The following ZNF675 variants were observed in gnomAD, a reference collection of about 807,000 sequenced individuals.
ZNF675 encodes the protein TRAF6 inhibitory zinc finger.
In ZNF675, 36 loss-of-function variants were observed where a neutral mutation model predicts 56.1. That is an observed-to-expected ratio of 0.64 (90% CI 0.49 to 0.85). ZNF675 has a LOEUF of 0.85. Ranked by LOEUF, ZNF675 falls within the 40% of genes least tolerant of loss-of-function variation. The pLI, the probability that ZNF675 is intolerant of heterozygous loss-of-function variation, is 0.00. For missense variants in ZNF675, 663 were observed against 654.2 expected, an observed-to-expected ratio of 1.01 and a Z score of -0.15; for synonymous variants, 200 against 218.9, an observed-to-expected ratio of 0.91 and a Z score of 0.76.
chr19:23,654,201 A>T lies in ZNF675; in HGVS notation c.732T>A (p.Thr244=). The T allele has an allele frequency of 6.2e-7, 1 of 1,614,026 alleles. No homozygotes were observed. The highest frequency in any genetic ancestry group is 2.2e-5 in the East Asian group (1 of 44,862). The change falls in exon 4 of 4, where the codon ACT becomes ACA. Residue 244 remains threonine, a synonymous_variant. Coordinates refer to ENST00000359788, the MANE Select transcript of ZNF675 (RefSeq NM_138330.3). The part of the protein sequence containing the change: ...DRTFNQFSNL[T]EYKKDYAREK... ...CTCGAGCATAATCTTTTTTATATTC[A>T]GTAAGGTTTGAGAATTGGTTAAAAG...
chr19:23,673,437 A>C (rs1968251040), intron 1 of ZNF675, among the ~76,000 whole-genome samples: 1 of 152,196 alleles, frequency 6.6e-6, no homozygotes, highest in Non-Finnish European at 1.5e-5. Context: ...AGTTCGTAGA[A>C]ATCTGGCCTA....
intron 1 of ZNF675, among the ~76,000 whole-genome samples, chr19:23,684,463 G>A (rs1968418272): frequency 6.6e-6 from 1 of 151,688 alleles, no homozygotes; most frequent in Admixed American, 6.6e-5. Context: ...TGGCCAACAC[G>A]GGAAAACCCC....
rs1457320527 is a variant in ZNF675 at position 23,653,955 on chromosome 19, G to C, written c.978C>G (p.Thr326=). Residue 326 remains threonine (T), a synonymous_variant, in exon 4 of 4, where the codon ACC becomes ACG. Transcript: ENST00000359788. ...ECGKAFTQSS[T]LTTHKRIHTG... The stretch of plus-strand genomic sequence containing the variant: ...TATGAATTCTCTTATGTGTAGTAAG[G>C]GTTGAGGATTGGGTAAAAGCCTTGC... The C allele has an allele frequency of 2.5e-6, 4 of 1,612,404 alleles. No homozygotes were observed. Among genetic ancestry groups the C allele is most frequent in the African/African-American group, 2.7e-5 (2 of 74,648 alleles).
In ZNF675 at chr19:23,655,205, C is replaced by T. The variant is rs563782725; in HGVS notation, c.227-499G>A. On this transcript the variant is annotated intron_variant, in intron 3 of 3. Coordinates refer to ENST00000359788, the MANE Select transcript of ZNF675 (RefSeq NM_138330.3). ...TGGGCCAAGATCGCACCATTACACT[C>T]CAGCCTGGGTGACAAAGCAAGACTC... is the stretch of plus-strand genomic sequence containing the variant. The T allele has an allele frequency of 3.3e-5, 5 of 151,492 alleles. No homozygotes were observed. The East Asian group carries it at 9.7e-4, about 29-fold the overall frequency. The allele number at this position is 151,492 out of a possible 1,614,324, so 9.4% of individuals were successfully genotyped here. A position where few individuals can be genotyped will look rare whatever the true frequency, so the allele number is the denominator to read the frequency against.
chr19:23,678,963 G>A (rs1056973267), intron 1 of ZNF675, among the ~76,000 whole-genome samples: 3 of 151,118 alleles, frequency 2.0e-5, no homozygotes, highest in African/African-American at 4.9e-5. Context: ...TCAGGAGATC[G>A]AGACCATCCT....
chr19:23,672,488 G>C (rs182969830), intron 1 of ZNF675, among the ~76,000 whole-genome samples: 1 of 152,290 alleles, frequency 6.6e-6, no homozygotes, highest in East Asian at 1.9e-4. Context: ...ATATTTCCAT[G>C]TTGACATCTC....
rs761435566 is a variant in ZNF675, at chr19:23,653,881, C to G, written c.1052G>C (p.Arg351Pro). ...KCEECGKAFN[R>P]SSKLTEHKNI... ...TTTATGTTCAGTAAGTTTTGAGGATCGGTTAAAAGCTTTTCCACATTCTTC... is the reference window on the plus strand; with the variant it reads ...TTTATGTTCAGTAAGTTTTGAGGATGGGTTAAAAGCTTTTCCACATTCTTC... Residue 351 changes from arginine (R) to proline (P), a missense_variant, in exon 4 of 4, where the codon CGA becomes CCA. Transcript: ENST00000359788. The G allele has an allele frequency of 4.3e-6, 7 of 1,612,524 alleles. No individual in the cohort carries two copies. The highest frequency in any genetic ancestry group is 5.9e-6 in the Non-Finnish European group (7 of 1,179,602).
intron 1 of ZNF675, among the ~76,000 whole-genome samples, chr19:23,666,790 CTTTCTCTCT>C (rs1968157163): frequency 6.6e-6 from 1 of 151,722 alleles, no homozygotes; most frequent in Non-Finnish European, 1.5e-5. Flanking sequence ...CTTTCTCTCT[CTTTCTCTCT>C]CTCTCCTCCC....
At chr19:23,656,909 A>G (rs551191151) in intron 3 of ZNF675, 1 of 152,296 alleles carries the variant, frequency 6.6e-6, no homozygotes, top group South Asian at 2.1e-4. Context: ...CTTTTGCATA[A>G]CAATACAAAT....
chr19:23,660,917 A>G (rs935302670), intron 3 of ZNF675, among the ~76,000 whole-genome samples: 1 of 141,626 alleles, frequency 7.1e-6, no homozygotes, highest in African/African-American at 2.6e-5. Flanking sequence ...GAAGAATATC[A>G]TACTTTGTAA....
At chr19:23,682,692 G>A (rs1253100730) in intron 1 of ZNF675, among the ~76,000 whole-genome samples, 1 of 151,524 alleles carries the variant, frequency 6.6e-6, no homozygotes, top group Non-Finnish European at 1.5e-5. Flanking sequence ...CTTTAGATGG[G>A]CTCAAGCTTT....
At position 23,687,027 on chromosome 19, in the gene ZNF675, T is replaced by C; in HGVS notation, c.3+4A>G. The C allele has an allele frequency of 6.2e-7, 1 of 1,613,690 alleles. No homozygotes were observed. The highest frequency in any genetic ancestry group is 8.5e-7 in the Non-Finnish European group (1 of 1,179,746). ...TCTCGGGATGTCGCACCCGTAACTC[T>C]CACCATTTCTAGGCTTCCAGGGGGT... On this transcript the variant is annotated splice_donor_region_variant and intron_variant, in intron 1 of 3. Transcript: ENST00000359788.
chr19:23,660,874 GC>G (rs1286885801), intron 3 of ZNF675, among the ~76,000 whole-genome samples: 1 of 151,302 alleles, frequency 6.6e-6, no homozygotes, highest in East Asian at 1.9e-4. Flanking sequence ...ACTTTAAATA[GC>G]CGAAGCAAGC....
At chr19:23,682,163 CTT>C (rs1339621763) in intron 1 of ZNF675, among the ~76,000 whole-genome samples, 1 of 151,870 alleles carries the variant, frequency 6.6e-6, no homozygotes, top group Non-Finnish European at 1.5e-5. Context: ...AGCAACTAAA[CTT>C]TGAGCTACAC....
In ZNF675 at chr19:23,663,142, C is replaced by T. The variant is rs928236342; in HGVS notation, c.20G>A (p.Arg7Lys). 3.7e-6 allele frequency: 6 copies of T among 1,609,262 alleles called. No homozygotes were observed. In the African/African-American group the frequency reaches 4.0e-5, roughly 11 times the overall value. ...CAGAGAGAATTCTATGGCCACATCC[C>T]TAAATGTCAACAGTCCCTGAAAAAC... Reference protein sequence around the residue: MGLLTFRDVAIEFSLEE... With the variant: MGLLTFKDVAIEFSLEE... Residue 7 changes from arginine to lysine, a missense_variant, in exon 2 of 4, where the codon AGG becomes AAG. Arg to Lys is a conservative substitution (Grantham distance 26). Coordinates refer to ENST00000359788, the MANE Select transcript of ZNF675 (RefSeq NM_138330.3).
intron 3 of ZNF675, among the ~76,000 whole-genome samples, chr19:23,661,453 A>G (rs1250051949): frequency 2.6e-5 from 4 of 151,954 alleles, no homozygotes; most frequent in Non-Finnish European, 5.9e-5. Flanking sequence ...CACTTTGAGA[A>G]GCCAAGGTAA....
rs144829288 is a variant in ZNF675 at position 23,680,750 on chromosome 19, G to A, written c.3+6281C>T. Among the ~76,000 whole-genome samples the A allele has an allele frequency of 1.0e-3, 154 of 151,600 alleles. 1 individual carries two copies. The highest frequency in any genetic ancestry group is 9.7e-4 in the East Asian group (5 of 5,174). On this transcript the variant is annotated intron_variant, in intron 1 of 3. Transcript: ENST00000359788. ...GCCTGGGCAACAAGAGCAAAACTCC[G>A]TCTCAGAAAAATTTAAAAAAATAAT...
intron 1 of ZNF675, among the ~76,000 whole-genome samples, chr19:23,668,431 G>T (rs1309514201): frequency 6.6e-6 from 1 of 152,222 alleles, no homozygotes. Flanking sequence ...TACTCTCCAC[G>T]TACCCACCAG....
intron 3 of ZNF675, 178 bp downstream of exon 3, chr19:23,661,936 A>G: frequency 1.9e-6 from 1 of 532,596 alleles, no homozygotes; most frequent in Non-Finnish European, 3.4e-6. Context: ...ACCTTAGAGA[A>G]TTTAAAAGCA....
Sources: gnomAD v4.1 joint callset for allele counts (sites outside exome capture counted in the v4.1 genomes callset) on GRCh38, gnomAD v4.1.1 for gene constraint, MANE v1.5 for transcripts, NCBI Gene and HGNC (gene_info 2026-07-23, HGNC 2026-07-21) for gene names.